NELL1: variants seen among roughly 807,000 people sequenced by gnomAD.
NELL1 encodes protein kinase C-binding protein NELL1.
NELL1 carries 76 observed loss-of-function variants against 107.4 expected under a neutral mutation model. That is an observed-to-expected ratio of 0.71 (90% CI 0.59 to 0.86). The LOEUF (loss-of-function observed/expected upper bound fraction) is 0.86, where lower values mean the gene tolerates loss of function less well. Among genes scored for constraint, NELL1 ranks in the 40% least tolerant of loss-of-function variants. The pLI is 0.00. For synonymous variants in NELL1, 353 were observed against 341.2 expected (o/e 1.03, Z -0.38); for missense variants, 1,024 against 1,005.5 (o/e 1.02, Z -0.25).
chr11:20,713,331 C>A (rs1855158830), intron 2 of NELL1, among the ~76,000 whole-genome samples: 1 of 152,028 alleles, frequency 6.6e-6, no homozygotes, highest in South Asian at 2.1e-4. Context: ...TTGGGTGGGG[C>A]TTGCTGCAGC....
rs73454957 is a variant in NELL1 at position 21,337,285 on chromosome 11, C to T, written c.1550-33568C>T. On this transcript the variant is annotated intron_variant, in intron 14 of 19. Transcript: ENST00000357134. ...GAAAAATAATGTAGGAACAAAAGTC[C>T]ACATAATTCCATCCATCACATTTGA... is the stretch of plus-strand genomic sequence containing the variant. Among the ~76,000 whole-genome samples, 911 of 152,098 alleles carry T rather than the reference C, an allele frequency of 6.0e-3. 8 individuals are homozygous for T. The highest frequency in any genetic ancestry group is 0.02 in the African/African-American group (837 of 41,490).
intron 13 of NELL1, among the ~76,000 whole-genome samples, chr11:21,225,201 G>T (rs1857863144): frequency 6.6e-6 from 1 of 152,168 alleles, no homozygotes; most frequent in Non-Finnish European, 1.5e-5. Flanking sequence ...GATACATTCT[G>T]GTGGCAGCTC....
chr11:21,512,352 G>A (rs1339788360), intron 15 of NELL1, among the ~76,000 whole-genome samples: 1 of 152,152 alleles, frequency 6.6e-6, no homozygotes, highest in Non-Finnish European at 1.5e-5. Context: ...CTGACACTCA[G>A]AAGTCACATT....
intron 5 of NELL1, among the ~76,000 whole-genome samples, chr11:20,898,228 T>C (rs980232387): frequency 1.3e-5 from 2 of 152,180 alleles, no homozygotes; most frequent in African/African-American, 4.8e-5. Context: ...CACCGTGGAA[T>C]ACCATGCAGC....
intron 2 of NELL1, among the ~76,000 whole-genome samples, chr11:20,732,249 C>T (rs1855663550): frequency 6.6e-6 from 1 of 152,072 alleles, no homozygotes; most frequent in Non-Finnish European, 1.5e-5. Flanking sequence ...TGCCCATTCC[C>T]TCTTTGTTCT....
chr11:20,700,043 C>CA (rs34323228), intron 2 of NELL1, among the ~76,000 whole-genome samples: 108,375 of 151,934 alleles, frequency 0.71, 38,989 homozygotes, highest in Middle Eastern at 0.81. Context: ...GGACGTAGAA[C>CA]TTTTTTTTTA....
At chr11:20,965,752 T>A (rs1398536334) in intron 12 of NELL1, among the ~76,000 whole-genome samples, 1 of 152,178 alleles carries the variant, frequency 6.6e-6, no homozygotes, top group South Asian at 2.1e-4. Context: ...TGGTGAAGGG[T>A]CTGACCCTTA....
intron 1 of NELL1, among the ~76,000 whole-genome samples, chr11:20,676,768 C>A (rs926720024): frequency 1.3e-5 from 2 of 152,192 alleles, no homozygotes; most frequent in African/African-American, 4.8e-5. Flanking sequence ...AACATTCACG[C>A]AGTGGGTACA....
chr11:20,868,867 G>A (rs1305020644), intron 4 of NELL1, among the ~76,000 whole-genome samples: 3 of 152,042 alleles, frequency 2.0e-5, no homozygotes, highest in African/African-American at 7.2e-5. Flanking sequence ...AATTCAGGTT[G>A]CCATCAGACA....
At chr11:20,975,379 G>A (rs1229315420) in intron 12 of NELL1, among the ~76,000 whole-genome samples, 1 of 151,632 alleles carries the variant, frequency 6.6e-6, no homozygotes, top group Non-Finnish European at 1.5e-5. Context: ...CTCCAGTCCA[G>A]TGGTAACAGC....
chr11:20,674,306 G>A (rs1403079356), intron 1 of NELL1, among the ~76,000 whole-genome samples: 1 of 152,128 alleles, frequency 6.6e-6, no homozygotes, highest in Non-Finnish European at 1.5e-5. Flanking sequence ...CCAGGGAGCT[G>A]GAGTGGTCTG....
At chr11:20,977,173 G>T (rs1037454759) in intron 12 of NELL1, among the ~76,000 whole-genome samples, 1 of 151,740 alleles carries the variant, frequency 6.6e-6, no homozygotes, top group African/African-American at 2.4e-5. Context: ...CATAATTTAG[G>T]GATTTTTTTT....
intron 15 of NELL1, among the ~76,000 whole-genome samples, chr11:21,468,381 G>C (rs10833545): frequency 0.35 from 52,393 of 151,678 alleles, 10,099 homozygotes; most frequent in East Asian, 0.45. Context: ...TTTGTTTCTT[G>C]TGCGATTGTT....
intron 15 of NELL1, among the ~76,000 whole-genome samples, chr11:21,452,092 A>G (rs1322866655): frequency 6.6e-6 from 1 of 152,230 alleles, no homozygotes; most frequent in East Asian, 1.9e-4. Flanking sequence ...ATTTTGGCAT[A>G]TGAAAGTTAA....
At chr11:21,434,352 T>G (rs927862298) in intron 15 of NELL1, among the ~76,000 whole-genome samples, 1 of 152,190 alleles carries the variant, frequency 6.6e-6, no homozygotes, top group African/African-American at 2.4e-5. Context: ...TAATTCATTT[T>G]TAGTTGATTT....
chr11:20,679,062 G>A (rs1371763330), intron 2 of NELL1, among the ~76,000 whole-genome samples: 2 of 152,166 alleles, frequency 1.3e-5, no homozygotes, highest in Non-Finnish European at 2.9e-5. Flanking sequence ...TGTCTAGAGG[G>A]GTAGACAGAG....
chr11:21,450,820 G>T (rs1853558002), intron 15 of NELL1, among the ~76,000 whole-genome samples: 1 of 151,678 alleles, frequency 6.6e-6, no homozygotes, highest in Admixed American at 6.6e-5. Flanking sequence ...ATTTTTTTCT[G>T]TTTTTTTAAT....
chr11:21,490,358 A>G (rs137972473), intron 15 of NELL1, among the ~76,000 whole-genome samples: 59 of 151,890 alleles, frequency 3.9e-4, no homozygotes, highest in Middle Eastern at 3.4e-3. Context: ...TAATGGCCAT[A>G]CTGTCCAAAG....
intron 15 of NELL1, among the ~76,000 whole-genome samples, chr11:21,466,936 G>A (rs575567475): frequency 2.0e-4 from 30 of 152,040 alleles, no homozygotes; most frequent in Admixed American, 2.0e-3. Context: ...ATTCATGTCA[G>A]TGAAAAAGAA....
Sources: allele counts gnomAD v4.1 joint callset (sites outside exome capture counted in the v4.1 genomes callset), GRCh38; gene constraint gnomAD v4.1.1; transcripts MANE v1.5; gene names NCBI Gene and HGNC (gene_info 2026-07-23, HGNC 2026-07-21).